The following CTNNA3 variants were observed in gnomAD, a reference collection of about 807,000 sequenced individuals.
CTNNA3 encodes the protein catenin alpha 3.
CTNNA3 carries 76 observed loss-of-function variants against 95.7 expected under a neutral mutation model. That is an observed-to-expected ratio of 0.79 (90% CI 0.66 to 0.96). The LOEUF is 0.96. Ranked by LOEUF, CTNNA3 falls within the 40% of genes least tolerant of loss-of-function variation. The pLI, the probability that CTNNA3 is intolerant of heterozygous loss-of-function variation, is 0.00. For missense variants in CTNNA3, 1,191 were observed against 1,089.8 expected (o/e 1.09, Z -1.31); for synonymous variants, 431 against 374.4 (o/e 1.15, Z -1.74).
chr10:67,496,867 A>G (rs970594167), intron 5 of CTNNA3, among the ~76,000 whole-genome samples: 1 of 152,198 alleles, frequency 6.6e-6, no homozygotes, highest in African/African-American at 2.4e-5. Flanking sequence ...TCTAGGTAAT[A>G]CACACTCAAC....
rs1052059530 is a variant in CTNNA3 at position 66,877,815 on chromosome 10, G to C, written c.1048-102291C>G. Reference sequence around the variant, plus strand: ...GATCCTATGCAAAATGCAAGAAAATGGATTCTATTTTTGTACCCAGATCTA... The same window carrying C: ...GATCCTATGCAAAATGCAAGAAAATCGATTCTATTTTTGTACCCAGATCTA... On this transcript the variant is annotated intron_variant, in intron 7 of 17. Transcript: ENST00000433211. Among the ~76,000 whole-genome samples, 5 of 152,152 alleles carry C rather than the reference G, an allele frequency of 3.3e-5. No homozygotes were observed. The East Asian group carries it at 9.7e-4, about 29-fold the overall frequency.
At chr10:67,464,103 C>T (rs557215648) in intron 5 of CTNNA3, among the ~76,000 whole-genome samples, 8 of 152,268 alleles carry the variant, frequency 5.3e-5, no homozygotes, top group African/African-American at 1.7e-4. Flanking sequence ...CATTGAAACT[C>T]GATCCTGTTA....
At chr10:66,564,338 G>T (rs530648311) in intron 10 of CTNNA3, among the ~76,000 whole-genome samples, 26 of 152,118 alleles carry the variant, frequency 1.7e-4, no homozygotes, top group Admixed American at 5.2e-4. Flanking sequence ...GATGTACAAT[G>T]GCCAGACTAC....
intron 7 of CTNNA3, among the ~76,000 whole-genome samples, chr10:66,962,690 C>T (rs567618706): frequency 2.6e-5 from 4 of 152,034 alleles, no homozygotes; most frequent in Non-Finnish European, 5.9e-5. Flanking sequence ...GGATTACAGG[C>T]GTGAGCCACC....
At chr10:66,918,826 A>G (rs1187540749) in intron 7 of CTNNA3, among the ~76,000 whole-genome samples, 2 of 151,872 alleles carry the variant, frequency 1.3e-5, no homozygotes, top group Admixed American at 1.3e-4. Flanking sequence ...AAATAGAGAG[A>G]GAGAGAGAGG....
At chr10:67,367,881 A>T (rs1378572353) in intron 5 of CTNNA3, among the ~76,000 whole-genome samples, 1 of 152,192 alleles carries the variant, frequency 6.6e-6, no homozygotes, top group Non-Finnish European at 1.5e-5. Context: ...TGGTGACAAC[A>T]AGAGTGCGGA....
intron 5 of CTNNA3, among the ~76,000 whole-genome samples, chr10:67,363,817 T>A (rs2132677877): frequency 6.6e-6 from 1 of 152,256 alleles, no homozygotes; most frequent in East Asian, 1.9e-4. Context: ...GGTTCTGAAA[T>A]TGAGGCAATA....
chr10:66,106,325 GTGTGTGTGTGTT>G (rs1229419179), intron 13 of CTNNA3, among the ~76,000 whole-genome samples: 39 of 131,288 alleles, frequency 3.0e-4, no homozygotes, highest in African/African-American at 5.5e-4. Flanking sequence ...GAAGTTTTGT[GTGTGTGTGTGTT>G]TGTGTGTGTG....
chr10:66,684,522 A>G (rs990809383), intron 9 of CTNNA3, among the ~76,000 whole-genome samples: 2 of 152,184 alleles, frequency 1.3e-5, no homozygotes, highest in African/African-American at 4.8e-5. Context: ...ATTCATTTCT[A>G]TAATAGGCTT....
chr10:66,699,635 T>G (rs1847877229), intron 9 of CTNNA3, among the ~76,000 whole-genome samples: 1 of 151,948 alleles, frequency 6.6e-6, no homozygotes, highest in Non-Finnish European at 1.5e-5. Context: ...TATGCATATT[T>G]TAATAACTAT....
rs144464096 is a variant in CTNNA3 at position 66,148,929 on chromosome 10, T to G, written c.1885-45680A>C. Among the ~76,000 whole-genome samples, 12 of 151,816 alleles carry G rather than the reference T, an allele frequency of 7.9e-5. No individual in the cohort carries two copies. In the East Asian group the frequency reaches 2.3e-3, roughly 29 times the overall value. ...GTTTTAAATAGATTACAAATCTAAATGTACAGTTATATACATTAATTTTGA... is the reference window on the plus strand; with the variant it reads ...GTTTTAAATAGATTACAAATCTAAAGGTACAGTTATATACATTAATTTTGA... On this transcript the variant is annotated intron_variant, in intron 13 of 17. Coordinates refer to ENST00000433211, the MANE Select transcript of CTNNA3 (RefSeq NM_013266.4).
chr10:66,309,685 C>CAAGAAAAAAAAAA (rs2091982425), intron 12 of CTNNA3, among the ~76,000 whole-genome samples: 1 of 41,770 alleles, frequency 2.4e-5, no homozygotes, highest in Non-Finnish European at 4.3e-5. Flanking sequence ...GACTCCGTCT[C>CAAGAAAAAAAAAA]AAAAAAAAAA....
chr10:66,447,668 A>T (rs1472767114), intron 11 of CTNNA3, among the ~76,000 whole-genome samples: 6 of 152,202 alleles, frequency 3.9e-5, no homozygotes, highest in Non-Finnish European at 5.9e-5. Context: ...TTATACAAAA[A>T]TTAATTCAAG....
At chr10:66,469,520 T>C (rs1839051167) in intron 11 of CTNNA3, among the ~76,000 whole-genome samples, 2 of 150,578 alleles carry the variant, frequency 1.3e-5, no homozygotes, top group Non-Finnish European at 2.9e-5. Context: ...AAATGTATGT[T>C]ATTTATCGTT....
chr10:67,379,889 C>T (rs1406883132), intron 5 of CTNNA3, among the ~76,000 whole-genome samples: 1 of 150,924 alleles, frequency 6.6e-6, no homozygotes, highest in African/African-American at 2.4e-5. Context: ...GGCGTAGTGG[C>T]GGGCGCCTGT....
intron 5 of CTNNA3, among the ~76,000 whole-genome samples, chr10:67,287,052 T>A (rs1207537934): frequency 6.6e-6 from 1 of 152,044 alleles, no homozygotes; most frequent in Non-Finnish European, 1.5e-5. Flanking sequence ...TGAAAAAACA[T>A]GCTGGGCCCG....
At chr10:66,042,519 G>A (rs371978452) in intron 15 of CTNNA3, among the ~76,000 whole-genome samples, 1 of 151,886 alleles carries the variant, frequency 6.6e-6, no homozygotes, top group East Asian at 1.9e-4. Flanking sequence ...TAAAATGAAG[G>A]GAAAGGATAA....
At chr10:66,295,879 A>G (rs1214112072) in intron 12 of CTNNA3, among the ~76,000 whole-genome samples, 1 of 152,206 alleles carries the variant, frequency 6.6e-6, no homozygotes, top group African/African-American at 2.4e-5. Context: ...AACATGGTGT[A>G]TTTGTATTAA....
chr10:66,358,461 A>C (rs909018410), intron 12 of CTNNA3, among the ~76,000 whole-genome samples: 1 of 152,144 alleles, frequency 6.6e-6, no homozygotes, highest in Non-Finnish European at 1.5e-5. Context: ...ATTTGCTTTA[A>C]GTATTATGTC....
Sources: allele counts gnomAD v4.1 joint callset (sites outside exome capture counted in the v4.1 genomes callset), GRCh38; gene constraint gnomAD v4.1.1; transcripts MANE v1.5; gene names NCBI Gene and HGNC (gene_info 2026-07-23, HGNC 2026-07-21).